Variants in RFPL3 observed in about 807,000 individuals in gnomAD.
RFPL3 encodes ret finger protein-like 3.
In RFPL3, 8 loss-of-function variants were observed where a neutral mutation model predicts 8.7. The ratio of observed to expected loss-of-function variants is 0.92; its 90% CI spans 0.54 to 1.66. The LOEUF is 1.66. RFPL3 is among the 40% of genes most tolerant of loss of function. The pLI, the probability that RFPL3 is intolerant of heterozygous loss-of-function variation, is 0.00. For missense variants in RFPL3, 341 were observed against 395.0 expected (o/e 0.86, Z 1.16); for synonymous variants, 145 against 150.5 (o/e 0.96, Z 0.27).
At chr22:32,359,494 G>A (rs1454748329) in intron 1 of RFPL3, among the ~76,000 whole-genome samples, 2 of 151,994 alleles carry the variant, frequency 1.3e-5, no homozygotes. Context: ...ATGAGAATTG[G>A]CGGCTTCACC....
Position 32,360,725 on chromosome 22 carries a change from T to G in RFPL3, c.847T>G (p.Leu283Val). The change falls in exon 2 of 2, where the codon TTG becomes GTG. Residue 283 changes from leucine to valine, a missense_variant. Coordinates refer to ENST00000249007, the MANE Select transcript of RFPL3 (RefSeq NM_001098535.1). ...VSAEEPLRPF[L>V]APSIPPNGDQ... ...TGCTGAGGAGCCACTGCGCCCATTT[T>G]TGGCTCCTTCAATTCCACCTAATGG... is the stretch of plus-strand genomic sequence containing the variant. 6.2e-7 allele frequency: 1 copy of G among 1,614,124 alleles called. No individual in the cohort carries two copies. Among genetic ancestry groups the G allele is most frequent in the Non-Finnish European group, 8.5e-7 (1 of 1,179,996 alleles).
Position 32,360,874 on chromosome 22 carries a change from G to A in RFPL3, c.*42G>A, listed in dbSNP as rs1932779805. The A allele has an allele frequency of 6.7e-7, 1 of 1,502,102 alleles. No homozygotes were observed. The highest frequency in any genetic ancestry group is 2.3e-5 in the Admixed American group (1 of 43,318). The allele number at this position is 1,502,102 out of a possible 1,614,324, so 93.0% of individuals were successfully genotyped here. On this transcript the variant is annotated 3_prime_UTR_variant, in exon 2 of 2. Transcript: ENST00000249007. ...AAAACAGGGTCAGAAAATTACTTGG[G>A]TGGGTAGACTTAGGAATTTTCTACT...
chr22:32,357,930 A>G lies in RFPL3; in HGVS notation c.-142A>G, dbSNP rs1251233173. The stretch of plus-strand genomic sequence containing the variant: ...GGAGAATGGACCCTTCCTCCACCTC[A>G]GCTCAGAGCACAGTGATGATTCGTG... On this transcript the variant is annotated 5_prime_UTR_variant, in exon 1 of 2. Coordinates refer to ENST00000249007, the MANE Select transcript of RFPL3 (RefSeq NM_001098535.1). The G allele has an allele frequency of 2.6e-6, 4 of 1,512,720 alleles. No homozygotes were observed. The highest frequency in any genetic ancestry group is 3.5e-6 in the Non-Finnish European group (4 of 1,132,414). The allele number at this position is 1,512,720 out of a possible 1,614,324, so 93.7% of individuals were successfully genotyped here.
rs147326673 is a variant in RFPL3 at position 32,358,392 on chromosome 22, G to A, written c.321G>A (p.Glu107=). 1 of 1,614,082 alleles carries A rather than the reference G, an allele frequency of 6.2e-7. No individual in the cohort carries two copies. Among genetic ancestry groups the A allele is most frequent in the East Asian group, 2.2e-5 (1 of 44,866 alleles). ...TGGTTTCCCACATCAAGGAACTGGAGCCCAAGCTGAAGAAGATTCTACAGA... is the reference window on the plus strand; with the variant it reads ...TGGTTTCCCACATCAAGGAACTGGAACCCAAGCTGAAGAAGATTCTACAGA... ...ERLVSHIKEL[E]PKLKKILQMN... is the part of the protein sequence containing the mutation. Residue 107 remains glutamate (E), a synonymous_variant, in exon 1 of 2, where the codon GAG becomes GAA. Coordinates refer to ENST00000249007, the MANE Select transcript of RFPL3 (RefSeq NM_001098535.1).
upstream of RFPL3, chr22:32,357,031 C>G (rs1486989931): frequency 1.4e-5 from 6 of 419,922 alleles, no homozygotes; most frequent in Non-Finnish European, 2.8e-5. Context: ...CTGTTGTGTA[C>G]CTGGGAGCCC....
chr22:32,357,812 G>T (rs896015424), upstream of RFPL3: 28 of 1,314,058 alleles, frequency 2.1e-5, no homozygotes, highest in Non-Finnish European at 2.3e-5. Flanking sequence ...TCTTGCTGGG[G>T]TTCCCCTAGG....
In RFPL3 at chr22:32,360,971, G is replaced by A. The variant is rs1267427274; in HGVS notation, c.*139G>A. On this transcript the variant is annotated 3_prime_UTR_variant, in exon 2 of 2. Transcript: ENST00000249007. ...TATAATCTATATTCTAATTTGATTC[G>A]ATTATTGAGTCGTAAGTATTAATTA... 1.4e-5 allele frequency: 12 copies of A among 843,192 alleles called. No individual in the cohort carries two copies. Among genetic ancestry groups the A allele is most frequent in the Admixed American group, 3.6e-5 (1 of 27,776 alleles). The allele number at this position is 843,192 out of a possible 1,614,324, so 52.2% of individuals were successfully genotyped here.
chr22:32,358,715 T>C (rs540455919), intron 1 of RFPL3, among the ~76,000 whole-genome samples: 7 of 152,314 alleles, frequency 4.6e-5, no homozygotes, highest in Middle Eastern at 3.4e-3. Context: ...CTTGTTAAAA[T>C]GCAGATGCTG....
intron 1 of RFPL3, 190 bp from the exon 2 acceptor site, chr22:32,360,062 C>T (rs906634798): frequency 1.5e-6 from 1 of 672,796 alleles, no homozygotes; most frequent in African/African-American, 1.8e-5. Flanking sequence ...GAATAAGAGT[C>T]ACGTATTGCC....
Position 32,360,473 on chromosome 22 carries a change from G to C in RFPL3, c.595G>C (p.Glu199Gln), listed in dbSNP as rs73166365. 3.2e-3 allele frequency: 5,181 copies of C among 1,613,960 alleles called. 7 individuals carry two copies. The highest frequency in any genetic ancestry group is 4.0e-3 in the Non-Finnish European group (4,679 of 1,179,878). The change falls in exon 2 of 2, where the codon GAA becomes CAA. Residue 199 changes from glutamate to glutamine, a missense_variant. Transcript: ENST00000249007. ...STEWDLGVCR[E>Q]SVHCKGKIQL... ...AGAATGGGACCTGGGAGTCTGCAGA[G>C]AATCTGTTCACTGCAAAGGGAAGAT... is the stretch of plus-strand genomic sequence containing the variant.
In RFPL3 at chr22:32,360,916, C is replaced by T. The variant is rs1159336752; in HGVS notation, c.*84C>T. 1.5e-6 allele frequency: 2 copies of T among 1,316,366 alleles called. No homozygotes were observed. The highest frequency in any genetic ancestry group is 3.0e-5 in the African/African-American group (2 of 67,582). 81.5% of individuals were successfully genotyped at this position (1,316,366 alleles called of 1,614,324 possible). A position where few individuals can be genotyped will look rare whatever the true frequency, so the allele number is the denominator to read the frequency against. ...TTTTCTACTTGGTAAAAGCATTATA[C>T]AGTCATAGGAGAAAGATATGGGACA... On this transcript the variant is annotated 3_prime_UTR_variant, in exon 2 of 2. Transcript: ENST00000249007.
In RFPL3 at chr22:32,358,112, C is replaced by G. The variant is rs771345030; in HGVS notation, c.41C>G (p.Pro14Arg). The change falls in exon 1 of 2, where the codon CCT (proline) becomes CGT (arginine). Residue 14 changes from proline (P) to arginine (R), a missense_variant. Transcript: ENST00000249007. ...LSLVTTNRLS[P>R]QGNFLPLCTF... Reference sequence around the variant, plus strand: ...CTTGTCACAACTAACAGGCTTTCACCTCAAGGAAATTTTCTTCCCTTGTGT... The same window carrying G: ...CTTGTCACAACTAACAGGCTTTCACGTCAAGGAAATTTTCTTCCCTTGTGT... The G allele has an allele frequency of 2.5e-6, 4 of 1,613,954 alleles. No homozygotes were observed. In the South Asian group the frequency reaches 4.4e-5, roughly 18 times the overall value.
upstream of RFPL3, chr22:32,357,056 A>G (rs962446539): frequency 1.8e-5 from 7 of 380,210 alleles, no homozygotes; most frequent in African/African-American, 1.5e-4. Context: ...ACCTCAGTGT[A>G]TGAAGAGGGG....
chr22:32,358,213 G>C lies in RFPL3; in HGVS notation c.142G>C (p.Glu48Gln), dbSNP rs767873784. 6.2e-6 allele frequency: 10 copies of C among 1,613,932 alleles called. No individual in the cohort carries two copies. The South Asian group carries it at 1.1e-4, about 18-fold the overall frequency. Residue 48 changes from glutamate to glutamine, a missense_variant, in exon 1 of 2, where the codon GAA becomes CAA. By Grantham distance (29) the Glu-to-Gln change is conservative. Transcript: ENST00000249007. ...CTGTCCCGTCTGCTCAGACTATCTG[G>C]AAAAACCAATGTCCCTGGAGTGTGG... is the stretch of plus-strand genomic sequence containing the variant. The part of the protein sequence containing the change: ...SSCPVCSDYL[E>Q]KPMSLECGCT...
chr22:32,357,428 G>A (rs546395073), upstream of RFPL3, among the ~76,000 whole-genome samples: 21 of 151,298 alleles, frequency 1.4e-4, no homozygotes, highest in Non-Finnish European at 2.7e-4. Context: ...CCTTGGCCTC[G>A]CAAAGTGCTG....
chr22:32,358,993 T>C (rs932095353), intron 1 of RFPL3, among the ~76,000 whole-genome samples: 25 of 152,208 alleles, frequency 1.6e-4, no homozygotes, highest in African/African-American at 5.5e-4. Flanking sequence ...TCCTCATCCA[T>C]GCGCCATGGG....
upstream of RFPL3, among the ~76,000 whole-genome samples, chr22:32,356,312 G>C (rs946709962): frequency 4.6e-5 from 7 of 152,130 alleles, no homozygotes; most frequent in Admixed American, 1.3e-4. Flanking sequence ...TGGGGGCCAA[G>C]CTGCAAGGAG....
upstream of RFPL3, among the ~76,000 whole-genome samples, chr22:32,355,802 AAAG>A: frequency 2.7e-5 from 4 of 146,538 alleles, no homozygotes; most frequent in African/African-American, 7.6e-5. Flanking sequence ...AAAAAAAAAG[AAAG>A]AAAAGAAAAG....
Position 32,358,128 on chromosome 22 carries a change from T to C in RFPL3, c.57T>C (p.Leu19=), listed in dbSNP as rs763088683. ...TNRLSPQGNF[L]PLCTFPLAVD... ...GGCTTTCACCTCAAGGAAATTTTCTTCCCTTGTGTACTTTTCCCCTGGCAG... is the reference window on the plus strand; with the variant it reads ...GGCTTTCACCTCAAGGAAATTTTCTCCCCTTGTGTACTTTTCCCCTGGCAG... The change falls in exon 1 of 2, where the codon CTT becomes CTC. Residue 19 remains leucine (L), a synonymous_variant. Coordinates refer to ENST00000249007, the MANE Select transcript of RFPL3 (RefSeq NM_001098535.1). The C allele has an allele frequency of 1.6e-4, 266 of 1,613,810 alleles. No individual in the cohort carries two copies. Among genetic ancestry groups the C allele is most frequent in the Non-Finnish European group, 2.2e-4 (259 of 1,179,846 alleles).
Sources: gnomAD v4.1 joint callset for allele counts (sites outside exome capture counted in the v4.1 genomes callset) on GRCh38, gnomAD v4.1.1 for gene constraint, MANE v1.5 for transcripts, NCBI Gene and HGNC (gene_info 2026-07-23, HGNC 2026-07-21) for gene names.